Variants in THOC5 observed in about 807,000 individuals in gnomAD.
The protein encoded by THOC5 is Fms-interacting protein.
THOC5 carries 43 observed loss-of-function variants against 92.9 expected under a neutral mutation model. The observed-to-expected ratio is 0.46, with a 90% CI of 0.36 to 0.60. The LOEUF is 0.60. Ranked by LOEUF, THOC5 falls within the 20% of genes least tolerant of loss-of-function variation. The probability of loss-of-function intolerance (pLI) is 0.00; values close to 1 mark genes in which losing one functional copy is unlikely to be tolerated. For synonymous variants in THOC5, 296 were observed against 320.1 expected, an observed-to-expected ratio of 0.92 and a Z score of 0.80; for missense variants, 659 against 849.4, an observed-to-expected ratio of 0.78 and a Z score of 2.79.
intron 1 of THOC5, among the ~76,000 whole-genome samples, chr22:29,549,374 C>T (rs2064095394): frequency 6.6e-6 from 1 of 152,180 alleles, no homozygotes; most frequent in South Asian, 2.1e-4. Context: ...CACCCACTCC[C>T]ACTGACCTCG....
chr22:29,536,498 G>T, intron 7 of THOC5, 126 bp downstream of exon 7: 1 of 628,798 alleles, frequency 1.6e-6, no homozygotes, highest in South Asian at 1.9e-5. Context: ...TAGGGATGCA[G>T]ACAAGGCCAT....
At chr22:29,535,938 G>A (rs1013363852) in intron 7 of THOC5, 1 of 152,144 alleles carries the variant, frequency 6.6e-6, no homozygotes, top group African/African-American at 2.4e-5. Context: ...GCCACCCGAA[G>A]TGCTAGGATT....
At chr22:29,541,893 A>AATATATATATATATATAT (rs55924406) in intron 5 of THOC5, among the ~76,000 whole-genome samples, 7 of 74,156 alleles carry the variant, frequency 9.4e-5, no homozygotes, top group African/African-American at 4.2e-4. Context: ...AAAAAAAAAA[A>AATATATATATATATATAT]ATATATATAT....
At chr22:29,516,321 AGAG>A (rs752974483) in intron 17 of THOC5, among the ~76,000 whole-genome samples, 1 of 152,204 alleles carries the variant, frequency 6.6e-6, no homozygotes, top group Non-Finnish European at 1.5e-5. Context: ...AAGAATAGAA[AGAG>A]AAGAAAGTGG....
chr22:29,515,256 G>A (rs986200606), intron 17 of THOC5, among the ~76,000 whole-genome samples: 2 of 151,918 alleles, frequency 1.3e-5, no homozygotes, highest in African/African-American at 4.8e-5. Context: ...TGGCCAGGCT[G>A]GTCTCGAACT....
At chr22:29,539,779 G>A (rs927030877) in intron 5 of THOC5, among the ~76,000 whole-genome samples, 1 of 152,114 alleles carries the variant, frequency 6.6e-6, no homozygotes, top group African/African-American at 2.4e-5. Context: ...TAGCTAAAAA[G>A]TCAAGTAAAA....
Position 29,517,310 on chromosome 22 carries a change from C to G in THOC5, c.1546G>C (p.Val516Leu). The G allele has an allele frequency of 6.2e-7, 1 of 1,614,228 alleles. No individual in the cohort carries two copies. The highest frequency in any genetic ancestry group is 8.5e-7 in the Non-Finnish European group (1 of 1,180,036). ...GTCACCCATTTCACCAGGCGAGAGA[C>G]AACCTTGGCAGGGAAGAGGTACTGG... ...DCQYLFPAKV[V>L]SRLVKWVTVA... is the part of the protein sequence containing the mutation. Residue 516 changes from valine to leucine, a missense_variant, in exon 16 of 20, where the codon GTC becomes CTC. Coordinates refer to ENST00000490103, the MANE Select transcript of THOC5 (RefSeq NM_003678.5).
chr22:29,532,330 T>A lies in THOC5; in HGVS notation c.715-367A>T, dbSNP rs546732952. Among the ~76,000 whole-genome samples the A allele has an allele frequency of 6.6e-5, 10 of 151,800 alleles. No individual in the cohort carries two copies. The East Asian group carries it at 1.9e-3, about 30-fold the overall frequency. The stretch of plus-strand genomic sequence containing the variant: ...AAAATCAATTTAAAAAAAGAAATTA[T>A]AAAAAGATGCCATTTCAATACCATC... On this transcript the variant is annotated intron_variant, in intron 7 of 19. Transcript: ENST00000490103.
In THOC5 at chr22:29,549,153, T is replaced by C. The variant is rs1431344527; in HGVS notation, c.-6A>G. On this transcript the variant is annotated 5_prime_UTR_variant, in exon 2 of 20. Coordinates refer to ENST00000490103, the MANE Select transcript of THOC5 (RefSeq NM_003678.5). ...TTGCTCGATTCTGATGACATGGTTG[T>C]TCCTCCTGTTAAGAGGAGAAAGTTT... The C allele has an allele frequency of 1.2e-6, 2 of 1,614,132 alleles. No homozygotes were observed. The highest frequency in any genetic ancestry group is 1.7e-5 in the Admixed American group (1 of 60,014).
Position 29,518,986 on chromosome 22 carries a change from C to T in THOC5, c.1489+20G>A. The stretch of plus-strand genomic sequence containing the variant: ...TGTTGTCTGAGTGACTCTTAAACCA[C>T]TGCCCCATCATCAGCTTACCTAGGG... On this transcript the variant is annotated intron_variant, in intron 15 of 19. Coordinates refer to ENST00000490103, the MANE Select transcript of THOC5 (RefSeq NM_003678.5). 4 of 1,495,476 alleles carry T rather than the reference C, an allele frequency of 2.7e-6. No individual in the cohort carries two copies. The highest frequency in any genetic ancestry group is 1.8e-5 in the Admixed American group (1 of 55,224). The allele number at this position is 1,495,476 out of a possible 1,614,324, so 92.6% of individuals were successfully genotyped here.
chr22:29,510,315 G>A (rs1034698082), intron 19 of THOC5, among the ~76,000 whole-genome samples: 1 of 152,160 alleles, frequency 6.6e-6, no homozygotes, highest in African/African-American at 2.4e-5. Context: ...AGAAAATAGG[G>A]GTCAGGCACA....
At chr22:29,526,598 C>A (rs2063550096) in intron 11 of THOC5, among the ~76,000 whole-genome samples, 1 of 151,954 alleles carries the variant, frequency 6.6e-6, no homozygotes, top group Non-Finnish European at 1.5e-5. Context: ...TCTACAAATT[C>A]TTTGCTACGC....
intron 18 of THOC5, 25 bp downstream of exon 18, chr22:29,511,996 C>G (rs1305839972): frequency 6.2e-7 from 1 of 1,605,776 alleles, no homozygotes. Flanking sequence ...GCCTGCTCCT[C>G]CTGTCATCCC....
chr22:29,516,990 C>A (rs2063345053), intron 17 of THOC5, 39 bp downstream of exon 17: 1 of 1,605,082 alleles, frequency 6.2e-7, no homozygotes, highest in South Asian at 1.1e-5. Context: ...CTTGGCAGCG[C>A]CCTTTGTCTA....
intron 12 of THOC5, among the ~76,000 whole-genome samples, chr22:29,522,125 C>T (rs1369221181): frequency 1.3e-5 from 2 of 150,758 alleles, no homozygotes; most frequent in East Asian, 1.9e-4. Context: ...CCGAGACGGG[C>T]GGATCATGAG....
intron 5 of THOC5, among the ~76,000 whole-genome samples, chr22:29,542,088 C>T (rs924899540): frequency 1.3e-5 from 2 of 151,628 alleles, no homozygotes; most frequent in Non-Finnish European, 2.9e-5. Context: ...TGAGGAAGGA[C>T]ACTGACAAAC....
chr22:29,543,114 C>T (rs1295997223), intron 4 of THOC5, among the ~76,000 whole-genome samples, 158 bp from the exon 5 acceptor site: 3 of 151,158 alleles, frequency 2.0e-5, no homozygotes, highest in African/African-American at 7.3e-5. Flanking sequence ...GAGGCCGAGG[C>T]GAGTGGATCA....
intron 17 of THOC5, among the ~76,000 whole-genome samples, chr22:29,512,480 G>GT (rs2063243835): frequency 6.6e-6 from 1 of 152,142 alleles, no homozygotes; most frequent in African/African-American, 2.4e-5. Context: ...GCAAGCTAAG[G>GT]TTTTCTCCAT....
chr22:29,529,361 G>A (rs970398475), intron 8 of THOC5, 122 bp from the exon 9 acceptor site: 1 of 1,007,772 alleles, frequency 9.9e-7, no homozygotes, highest in South Asian at 1.5e-5. Flanking sequence ...GACTAAGGGT[G>A]GAAGGGCAAA....
Sources: allele counts gnomAD v4.1 joint callset (sites outside exome capture counted in the v4.1 genomes callset), GRCh38; gene constraint gnomAD v4.1.1; transcripts MANE v1.5; gene names NCBI Gene and HGNC (gene_info 2026-07-23, HGNC 2026-07-21).